Variants in LACTB2 observed in about 807,000 individuals in gnomAD.
The protein encoded by LACTB2 is lactamase beta 2, also known as endoribonuclease LACTB2.
Under a neutral mutation model 34.8 loss-of-function variants are expected in LACTB2, and 32 were observed. The ratio of observed to expected loss-of-function variants is 0.92; its 90% CI spans 0.69 to 1.24. LACTB2 has a LOEUF of 1.24. LACTB2 is among the 50% of genes most tolerant of loss of function. The pLI is 0.00. For synonymous variants in LACTB2, 120 were observed against 117.5 expected, an observed-to-expected ratio of 1.02 and a Z score of -0.14; for missense variants, 320 against 345.0, an observed-to-expected ratio of 0.93 and a Z score of 0.57.
At chr8:70,668,448 G>GT (rs1818566432) in intron 1 of LACTB2, among the ~76,000 whole-genome samples, 1 of 152,300 alleles carries the variant, frequency 6.6e-6, no homozygotes, top group South Asian at 2.1e-4. Context: ...ACACACAATT[G>GT]TAACAAAAAA....
chr8:70,665,764 C>T (rs1194382225), intron 1 of LACTB2, among the ~76,000 whole-genome samples: 2 of 152,144 alleles, frequency 1.3e-5, no homozygotes, highest in Non-Finnish European at 2.9e-5. Flanking sequence ...ATCGAGGTAA[C>T]CAGAGTCCAG....
chr8:70,641,820 A>G (rs530528349), intron 4 of LACTB2, among the ~76,000 whole-genome samples: 26 of 152,226 alleles, frequency 1.7e-4, no homozygotes, highest in Non-Finnish European at 2.9e-4. Flanking sequence ...GTTCTTAAAT[A>G]TTTGAGAACA....
chr8:70,639,269 C>T lies in LACTB2; in HGVS notation c.742-640G>A, dbSNP rs926809014. 2.6e-5 allele frequency among the ~76,000 whole-genome samples: 4 copies of T among 152,082 alleles called. No homozygotes were observed. The South Asian group carries it at 6.3e-4, about 24-fold the overall frequency. On this transcript the variant is annotated intron_variant, in intron 5 of 6. Coordinates refer to ENST00000276590, the MANE Select transcript of LACTB2 (RefSeq NM_016027.3). ...CCACCTCCCAGGTTCAAACTATTCT[C>T]GTGCCTCAGCCTCCCGAGTAGCTAG...
chr8:70,652,817 C>G (rs1441294243), intron 3 of LACTB2: 1 of 152,148 alleles, frequency 6.6e-6, no homozygotes, highest in African/African-American at 2.4e-5. Context: ...TGACCTGTTC[C>G]ACCTGGATGG....
Position 70,669,172 on chromosome 8 carries a change from G to T in LACTB2, c.-52C>A. On this transcript the variant is annotated 5_prime_UTR_variant, in exon 1 of 7. Transcript: ENST00000276590. ...TCGCCTATCTGGATACTCCAGCGCG[G>T]AAGAAGCCAACAGGCCGGGGATAGC... The T allele has an allele frequency of 3.8e-6, 6 of 1,596,096 alleles. No individual in the cohort carries two copies. Among genetic ancestry groups the T allele is most frequent in the South Asian group, 1.1e-5 (1 of 89,036 alleles).
At chr8:70,664,895 G>C (rs571533988) in intron 1 of LACTB2, among the ~76,000 whole-genome samples, 1 of 152,252 alleles carries the variant, frequency 6.6e-6, no homozygotes, top group Non-Finnish European at 1.5e-5. Flanking sequence ...GGCAGTGCTA[G>C]GAAGCACTAG....
intron 4 of LACTB2, among the ~76,000 whole-genome samples, chr8:70,643,402 T>C (rs1003437441): frequency 1.5e-4 from 23 of 151,974 alleles, no homozygotes; most frequent in African/African-American, 5.6e-4. Context: ...TTTGTATTAT[T>C]AGTAGAGACA....
At chr8:70,668,953 C>T in intron 1 of LACTB2, 46 bp downstream of exon 1, 1 of 1,552,704 alleles carries the variant, frequency 6.4e-7, no homozygotes. Flanking sequence ...AGCCCGGGCT[C>T]CGGGGCCGGC....
chr8:70,651,843 G>A (rs980278413), intron 3 of LACTB2: 1 of 152,134 alleles, frequency 6.6e-6, no homozygotes, highest in Non-Finnish European at 1.5e-5. Context: ...GACATCAGAG[G>A]TGCTTTGCTA....
intron 3 of LACTB2, among the ~76,000 whole-genome samples, chr8:70,652,340 G>C (rs1818353730): frequency 6.6e-6 from 1 of 152,112 alleles, no homozygotes; most frequent in African/African-American, 2.4e-5. Flanking sequence ...TGTTAATATT[G>C]AAAACAGTTG....
At chr8:70,656,491 T>C (rs1818413352) in intron 3 of LACTB2, among the ~76,000 whole-genome samples, 1 of 152,212 alleles carries the variant, frequency 6.6e-6, no homozygotes, top group Non-Finnish European at 1.5e-5. Context: ...CAGTTAGCTG[T>C]AAGTATTTAG....
At chr8:70,664,893 T>A (rs1818519585) in intron 1 of LACTB2, among the ~76,000 whole-genome samples, 1 of 152,210 alleles carries the variant, frequency 6.6e-6, no homozygotes, top group Admixed American at 6.5e-5. Context: ...GAGGCAGTGC[T>A]AGGAAGCACT....
intron 3 of LACTB2, among the ~76,000 whole-genome samples, chr8:70,647,800 T>C (rs1313609977): frequency 6.6e-6 from 1 of 152,186 alleles, no homozygotes; most frequent in Non-Finnish European, 1.5e-5. Flanking sequence ...AAGAAGTCTG[T>C]TGAAAGTCTT....
At chr8:70,648,656 T>A (rs1818297368) in intron 3 of LACTB2, among the ~76,000 whole-genome samples, 1 of 151,950 alleles carries the variant, frequency 6.6e-6, no homozygotes. Context: ...ACAAAAGAGA[T>A]GAGAGAAAAT....
At position 70,657,819 on chromosome 8, in the gene LACTB2, C is replaced by T; in HGVS notation, c.350G>A (p.Gly117Glu). Residue 117 changes from glycine to glutamate, a missense_variant, in exon 3 of 7, where the codon GGA becomes GAA. By Grantham distance (98) the Gly-to-Glu change is moderately conservative (BLOSUM62 -2). Coordinates refer to ENST00000276590, the MANE Select transcript of LACTB2 (RefSeq NM_016027.3). ...NPQREEIIGN[G>E]EQQYVYLKDG... ...TTTCAGATAAACATATTGTTGCTCT[C>T]CATTTCCTATAATTTCTTCTCTCTG... is the stretch of plus-strand genomic sequence containing the variant. The T allele has an allele frequency of 6.2e-7, 1 of 1,612,166 alleles. No homozygotes were observed.
intron 1 of LACTB2, 122 bp downstream of exon 1, chr8:70,668,877 G>A: frequency 7.4e-7 from 1 of 1,359,086 alleles, no homozygotes; most frequent in Non-Finnish European, 9.9e-7. Context: ...GCTGCTAGGC[G>A]CGGGGCTGCC....
intron 3 of LACTB2, among the ~76,000 whole-genome samples, chr8:70,655,333 C>T (rs1818397069): frequency 6.6e-6 from 1 of 151,948 alleles, no homozygotes; most frequent in South Asian, 2.1e-4. Context: ...AATTCTCCTA[C>T]CTCAGCCTCC....
chr8:70,662,975 C>G (rs1282686682), intron 1 of LACTB2: 1 of 152,280 alleles, frequency 6.6e-6, no homozygotes, highest in Non-Finnish European at 1.5e-5. Flanking sequence ...AGGCGTTGAG[C>G]CACCATGCCC....
intron 5 of LACTB2, among the ~76,000 whole-genome samples, chr8:70,639,348 T>TG (rs1252255792): frequency 6.6e-6 from 1 of 150,698 alleles, no homozygotes; most frequent in Non-Finnish European, 1.5e-5. Context: ...TTAGTAGAGA[T>TG]GGGGTTTCAC....
Sources: allele counts gnomAD v4.1 joint callset (sites outside exome capture counted in the v4.1 genomes callset), GRCh38; gene constraint gnomAD v4.1.1; transcripts MANE v1.5; gene names NCBI Gene and HGNC (gene_info 2026-07-23, HGNC 2026-07-21).